Variants in LMO7 observed in about 807,000 individuals in gnomAD.
LMO7 encodes the protein LIM domain 7, also known as LIM domain only protein 7.
A neutral mutation model predicts 206.5 loss-of-function variants in LMO7; 120 were observed. That is an observed-to-expected ratio of 0.58 (90% CI 0.50 to 0.68). LMO7 has a LOEUF of 0.68. LMO7 is among the 30% of genes least tolerant of loss of function. The probability of loss-of-function intolerance (pLI) is 0.00; values close to 1 mark genes in which losing one functional copy is unlikely to be tolerated. For synonymous variants in LMO7, 706 were observed against 681.5 expected, an observed-to-expected ratio of 1.04 and a Z score of -0.56; for missense variants, 1,959 against 1,957.9, an observed-to-expected ratio of 1.00 and a Z score of -0.01.
chr13:75,744,553 T>C (rs1303170394), intron 3 of LMO7, among the ~76,000 whole-genome samples: 1 of 152,200 alleles, frequency 6.6e-6, no homozygotes, highest in Non-Finnish European at 1.5e-5. Context: ...TTGGAATGTC[T>C]CCCCTTAGGT....
chr13:75,802,909 CTCATA>C (rs2054950923), intron 7 of LMO7, among the ~76,000 whole-genome samples: 1 of 152,088 alleles, frequency 6.6e-6, no homozygotes, highest in Non-Finnish European at 1.5e-5. Flanking sequence ...TACGTGAAAA[CTCATA>C]TCAAGAATGA....
At chr13:75,848,955 C>T (rs1399469613) in intron 26 of LMO7, 124 bp from the exon 27 acceptor site, 2 of 628,918 alleles carry the variant, frequency 3.2e-6, no homozygotes. Context: ...GCCATTCTTG[C>T]AGGAGTAAGG....
intron 2 of LMO7, among the ~76,000 whole-genome samples, chr13:75,714,367 A>T (rs2043349190): frequency 6.6e-6 from 1 of 152,182 alleles, no homozygotes. Context: ...TTTATAAACG[A>T]TCAAACTTTG....
At chr13:75,691,159 AACTG>A (rs2041441742) in intron 1 of LMO7, among the ~76,000 whole-genome samples, 1 of 152,236 alleles carries the variant, frequency 6.6e-6, no homozygotes, top group South Asian at 2.1e-4. Flanking sequence ...CTGTAAGCCA[AACTG>A]ACTGAGAAAA....
chr13:75,822,626 G>T (rs2138446680), intron 14 of LMO7, among the ~76,000 whole-genome samples: 1 of 151,570 alleles, frequency 6.6e-6, no homozygotes, highest in South Asian at 2.1e-4. Context: ...GCAAGAATGA[G>T]GCATATAACT....
intron 18 of LMO7, among the ~76,000 whole-genome samples, chr13:75,835,840 A>G (rs550812643): frequency 1.3e-5 from 2 of 152,270 alleles, no homozygotes; most frequent in East Asian, 1.9e-4. Flanking sequence ...TCAAAAATAT[A>G]ATGTAGAAAT....
chr13:75,771,545 T>A (rs74096416), intron 4 of LMO7, among the ~76,000 whole-genome samples: 2 of 139,406 alleles, frequency 1.4e-5, no homozygotes, highest in East Asian at 2.1e-4. Context: ...ATAGAATTAG[T>A]CTTTAAAAAC....
At chr13:75,809,248 A>G in intron 11 of LMO7, 65 bp downstream of exon 11, 2 of 1,383,894 alleles carry the variant, frequency 1.4e-6, no homozygotes, top group South Asian at 1.2e-5. Flanking sequence ...AACTTACTGT[A>G]TTTCTGGCAT....
At chr13:75,801,738 T>A (rs1472991758) in intron 7 of LMO7, among the ~76,000 whole-genome samples, 2 of 152,168 alleles carry the variant, frequency 1.3e-5, no homozygotes, top group Non-Finnish European at 2.9e-5. Flanking sequence ...AAACATTGAG[T>A]TCTGGCTGTG....
chr13:75,650,231 G>A (rs944839929), intron 1 of LMO7, among the ~76,000 whole-genome samples: 5 of 152,116 alleles, frequency 3.3e-5, no homozygotes, highest in African/African-American at 1.2e-4. Flanking sequence ...TTGGGTTCAA[G>A]CGATTCTCCT....
intron 3 of LMO7, among the ~76,000 whole-genome samples, chr13:75,753,854 C>T (rs554944628): frequency 1.3e-5 from 2 of 152,228 alleles, no homozygotes; most frequent in African/African-American, 4.8e-5. Context: ...TGAGAATGAA[C>T]TAATACAACT....
At chr13:75,853,451 C>G in intron 28 of LMO7, 63 bp downstream of exon 28, 9 of 1,398,130 alleles carry the variant, frequency 6.4e-6, no homozygotes, top group Non-Finnish European at 8.7e-6. Flanking sequence ...TAAAATATCC[C>G]CCAAATCCTG....
intron 1 of LMO7, among the ~76,000 whole-genome samples, chr13:75,686,526 C>CTTT (rs3036372): frequency 0.28 from 38,215 of 135,522 alleles, 6,150 homozygotes; most frequent in Non-Finnish European, 0.36. Flanking sequence ...CCTATCTTAC[C>CTTT]TTTTTTTTTT....
chr13:75,718,827 C>T (rs1566346912), intron 2 of LMO7, among the ~76,000 whole-genome samples: 1 of 152,162 alleles, frequency 6.6e-6, no homozygotes, highest in Admixed American at 6.5e-5. Context: ...CCCTGGAAAC[C>T]ACCAATCTTT....
chr13:75,841,243 C>T (rs3736858), intron 23 of LMO7, 42 bp downstream of exon 23: 4 of 1,303,106 alleles, frequency 3.1e-6, no homozygotes, highest in Non-Finnish European at 4.4e-6. Flanking sequence ...TTCTCTTTAC[C>T]TTGTTGGTGA....
chr13:75,813,116 C>T (rs758480629), intron 11 of LMO7, among the ~76,000 whole-genome samples: 7 of 152,196 alleles, frequency 4.6e-5, no homozygotes, highest in Non-Finnish European at 8.8e-5. Context: ...GGCGAGGTTG[C>T]TGGCACACAG....
intron 15 of LMO7, among the ~76,000 whole-genome samples, chr13:75,827,423 C>T (rs1426432367): frequency 6.6e-6 from 1 of 152,204 alleles, no homozygotes; most frequent in Non-Finnish European, 1.5e-5. Context: ...GTAGAACAAT[C>T]ATAATGAAGG....
At chr13:75,633,881 C>G (rs1555283555), upstream of LMO7, among the ~76,000 whole-genome samples, 1 of 123,742 alleles carries the variant, frequency 8.1e-6, no homozygotes, top group Non-Finnish European at 1.6e-5. Context: ...CGGAGTCTCG[C>G]TCTGTCCCCA....
At chr13:75,716,346 T>C (rs2043532513) in intron 2 of LMO7, among the ~76,000 whole-genome samples, 1 of 152,172 alleles carries the variant, frequency 6.6e-6, no homozygotes, top group Non-Finnish European at 1.5e-5. Context: ...ATTTGAGTAA[T>C]GAGGATAGTT....
Sources: allele counts gnomAD v4.1 joint callset (sites outside exome capture counted in the v4.1 genomes callset), GRCh38; gene constraint gnomAD v4.1.1; transcripts MANE v1.5; gene names NCBI Gene and HGNC (gene_info 2026-07-23, HGNC 2026-07-21).